PTPRN2: variants seen among roughly 807,000 people sequenced by gnomAD.
PTPRN2 encodes protein tyrosine phosphatase receptor type N2.
In PTPRN2, 74 loss-of-function variants were observed where a neutral mutation model predicts 118.8. The observed-to-expected ratio is 0.62, with a 90% CI of 0.52 to 0.76. PTPRN2 has a LOEUF of 0.76. PTPRN2 is among the 30% of genes least tolerant of loss of function. The pLI is 0.00. For missense variants in PTPRN2, 1,481 were observed against 1,394.4 expected (o/e 1.06, Z -0.99); for synonymous variants, 641 against 608.0 (o/e 1.05, Z -0.80).
At chr7:157,558,159 C>A (rs1175958178) in intron 21 of PTPRN2, among the ~76,000 whole-genome samples, 2 of 151,686 alleles carry the variant, frequency 1.3e-5, no homozygotes, top group Admixed American at 6.6e-5. Flanking sequence ...TGTGTGAACA[C>A]GTGCACATTG....
chr7:158,309,546 C>T (rs77357319), intron 3 of PTPRN2, among the ~76,000 whole-genome samples: 1,810 of 152,086 alleles, frequency 0.012, 37 homozygotes, highest in African/African-American at 0.041. Flanking sequence ...TCTAGAGAAC[C>T]CTGACTAATG....
chr7:158,081,944 A>G (rs1388173321), intron 10 of PTPRN2, among the ~76,000 whole-genome samples: 2 of 152,312 alleles, frequency 1.3e-5, no homozygotes, highest in Non-Finnish European at 2.9e-5. Flanking sequence ...TTTTTAAACC[A>G]TTTAATTCAT....
chr7:158,058,277 T>C (rs1809974416), intron 11 of PTPRN2, among the ~76,000 whole-genome samples: 1 of 143,842 alleles, frequency 7.0e-6, no homozygotes, highest in Non-Finnish European at 1.5e-5. Flanking sequence ...CCACGCCCCA[T>C]CTGCCCACGG....
rs754772466 is a variant in PTPRN2, at chr7:158,133,661, C to T, written c.1556+16G>A. The stretch of plus-strand genomic sequence containing the variant: ...CTCCCTCGGCACACAGGAGCTTAGC[C>T]AGGGCTGCTACTCACTCTCTGTCTG... On this transcript the variant is annotated intron_variant, in intron 9 of 22. Coordinates refer to ENST00000389418, the MANE Select transcript of PTPRN2 (RefSeq NM_002847.5). 2 of 1,550,492 alleles carry T rather than the reference C, an allele frequency of 1.3e-6. No individual in the cohort carries two copies. The highest frequency in any genetic ancestry group is 1.8e-5 in the Admixed American group (1 of 55,408).
intron 11 of PTPRN2, among the ~76,000 whole-genome samples, chr7:157,949,899 C>T (rs1800704615): frequency 6.6e-6 from 1 of 152,184 alleles, no homozygotes; most frequent in African/African-American, 2.4e-5. Context: ...CTCAGGGTCT[C>T]CTCAAACAAT....
intron 14 of PTPRN2, among the ~76,000 whole-genome samples, chr7:157,648,712 A>G (rs542371745): frequency 1.9e-4 from 27 of 144,816 alleles, no homozygotes; most frequent in Middle Eastern, 4.1e-3. Context: ...AGACCCATTC[A>G]CTGTGCACTG....
chr7:157,612,388 G>A lies in PTPRN2; in HGVS notation c.2345-8313C>T, dbSNP rs149203927. ...GACGAATCTCGTCTGTGCGAGCAGC[G>A]CAGATGAGTGTGGCGGCGGCAAGAC... is the stretch of plus-strand genomic sequence containing the variant. On this transcript the variant is annotated intron_variant, in intron 15 of 22. Transcript: ENST00000389418. 6.0e-3 allele frequency among the ~76,000 whole-genome samples: 918 copies of A among 152,308 alleles called. 11 individuals carry two copies. Among genetic ancestry groups the A allele is most frequent in the Middle Eastern group, 0.054 (16 of 294 alleles).
At chr7:157,734,520 T>C (rs1800188159) in intron 12 of PTPRN2, among the ~76,000 whole-genome samples, 1 of 152,180 alleles carries the variant, frequency 6.6e-6, no homozygotes. Flanking sequence ...TTGTAATGGA[T>C]GGAAAAAGGC....
chr7:158,192,874 G>T (rs1825891398), intron 4 of PTPRN2, among the ~76,000 whole-genome samples: 1 of 152,232 alleles, frequency 6.6e-6, no homozygotes, highest in Non-Finnish European at 1.5e-5. Flanking sequence ...GGGTGGGCAT[G>T]GGGGGCCCAA....
At chr7:158,521,413 G>C (rs1018664669) in intron 1 of PTPRN2, among the ~76,000 whole-genome samples, 23 of 152,204 alleles carry the variant, frequency 1.5e-4, no homozygotes, top group African/African-American at 5.3e-4. Flanking sequence ...TTTTCTCCCT[G>C]CATCTAAATT....
At chr7:158,187,574 A>T (rs1362229712) in intron 5 of PTPRN2, among the ~76,000 whole-genome samples, 3 of 152,202 alleles carry the variant, frequency 2.0e-5, no homozygotes, top group Admixed American at 2.0e-4. Flanking sequence ...GATGACTAAG[A>T]GCTTTCTCCT....
intron 3 of PTPRN2, among the ~76,000 whole-genome samples, chr7:158,280,860 C>G (rs530078309): frequency 6.6e-6 from 1 of 152,208 alleles, no homozygotes; most frequent in African/African-American, 2.4e-5. Flanking sequence ...GGAGGCCTCA[C>G]GGCAGCTGTG....
intron 2 of PTPRN2, among the ~76,000 whole-genome samples, chr7:158,430,110 G>A (rs1816050260): frequency 6.6e-6 from 1 of 152,134 alleles, no homozygotes; most frequent in African/African-American, 2.4e-5. Context: ...GTTTCACTAT[G>A]TTGGCCAGGC....
At position 158,410,774 on chromosome 7, in the gene PTPRN2, G is replaced by C. The variant is rs144797826; in HGVS notation, c.163+78961C>G. Among the ~76,000 whole-genome samples, 344 of 151,570 alleles carry C rather than the reference G, an allele frequency of 2.3e-3. 3 individuals are homozygous for C. The highest frequency in any genetic ancestry group is 8.2e-3 in the African/African-American group (335 of 40,906). ...GTGGGCCCTAAATGTAGTGATTGAC[G>C]TCCCTGTAGGGAGAGGAGAAGACAC... On this transcript the variant is annotated intron_variant, in intron 2 of 22. Transcript: ENST00000389418.
At chr7:158,292,190 A>G (rs1416042566) in intron 3 of PTPRN2, among the ~76,000 whole-genome samples, 2 of 152,160 alleles carry the variant, frequency 1.3e-5, no homozygotes, top group African/African-American at 4.8e-5. Flanking sequence ...ATAGGTCTCA[A>G]TTTCCTCCTC....
intron 12 of PTPRN2, among the ~76,000 whole-genome samples, chr7:157,685,237 C>A (rs1008985545): frequency 6.6e-6 from 1 of 151,946 alleles, no homozygotes; most frequent in Non-Finnish European, 1.5e-5. Flanking sequence ...CCATCCGCCC[C>A]AGCGCGGAGG....
chr7:157,910,171 G>C (rs895032136), intron 11 of PTPRN2, among the ~76,000 whole-genome samples: 1 of 152,240 alleles, frequency 6.6e-6, no homozygotes, highest in Non-Finnish European at 1.5e-5. Flanking sequence ...CACGGGTGCA[G>C]GATCACGCAT....
Position 158,110,846 on chromosome 7 carries a change from A to C in PTPRN2, c.1626T>G (p.Ser542Arg). The change falls in exon 10 of 23, where the codon AGT becomes AGG. Residue 542 changes from serine to arginine, a missense_variant. Physicochemically the swap from Ser to Arg is moderately radical, Grantham distance 110 (BLOSUM62 -1). Transcript: ENST00000389418. ...GTACTTACTCCACGTCAGCGAACGC[A>C]CTGCTGGGCACCTGCAGGAGGCGGG... ...DVARLLQVPS[S>R]AFADVEVLGP... The C allele has an allele frequency of 6.3e-7, 1 of 1,587,246 alleles. No individual in the cohort carries two copies. Among genetic ancestry groups the C allele is most frequent in the Non-Finnish European group, 8.6e-7 (1 of 1,166,216 alleles).
At chr7:157,838,629 G>A (rs1456123256) in intron 12 of PTPRN2, among the ~76,000 whole-genome samples, 176 of 79,868 alleles carry the variant, frequency 2.2e-3, no homozygotes, top group Admixed American at 3.4e-3. Flanking sequence ...AGTTCCTCTC[G>A]TAGTGGATGG....
Sources: gnomAD v4.1 joint callset for allele counts (sites outside exome capture counted in the v4.1 genomes callset) on GRCh38, gnomAD v4.1.1 for gene constraint, MANE v1.5 for transcripts, NCBI Gene and HGNC (gene_info 2026-07-23, HGNC 2026-07-21) for gene names.